Variants in RBMS1 observed in about 807,000 individuals in gnomAD.
The protein encoded by RBMS1 is RNA binding motif single stranded interacting protein 1.
Under a neutral mutation model 62.3 loss-of-function variants are expected in RBMS1, and 17 were observed. The observed-to-expected ratio is 0.27, with a 90% CI of 0.19 to 0.41. RBMS1 has a LOEUF of 0.41. Among genes scored for constraint, RBMS1 ranks in the 10% least tolerant of loss-of-function variants. The pLI, the probability that RBMS1 is intolerant of heterozygous loss-of-function variation, is 1.00. For synonymous variants in RBMS1, 172 were observed against 170.0 expected (o/e 1.01, Z -0.09); for missense variants, 334 against 504.5 (o/e 0.66, Z 3.24).
chr2:160,401,559 C>T (rs1695423612), intron 1 of RBMS1, among the ~76,000 whole-genome samples: 1 of 152,118 alleles, frequency 6.6e-6, no homozygotes, highest in Non-Finnish European at 1.5e-5. Flanking sequence ...TAAAAACAAA[C>T]ACCCACTAAA....
chr2:160,287,333 A>G (rs183389306), intron 6 of RBMS1, among the ~76,000 whole-genome samples: 3 of 152,218 alleles, frequency 2.0e-5, no homozygotes, highest in Non-Finnish European at 4.4e-5. Context: ...CTTTCGATTC[A>G]CTTTCACACT....
intron 9 of RBMS1, chr2:160,283,049 C>T (rs930567141): frequency 2.0e-5 from 3 of 152,130 alleles, no homozygotes; most frequent in Admixed American, 6.5e-5. Flanking sequence ...ATTACTGACA[C>T]AGATCTCCTA....
intron 6 of RBMS1, among the ~76,000 whole-genome samples, chr2:160,289,339 T>A (rs927230360): frequency 2.0e-5 from 3 of 152,218 alleles, no homozygotes; most frequent in Admixed American, 6.5e-5. Flanking sequence ...TTACAACAGT[T>A]TGTATACTGG....
intron 1 of RBMS1, among the ~76,000 whole-genome samples, chr2:160,380,540 C>A (rs941554843): frequency 6.6e-6 from 1 of 152,178 alleles, no homozygotes; most frequent in Non-Finnish European, 1.5e-5. Flanking sequence ...AGAGGATACA[C>A]AAACAGTTTT....
intron 1 of RBMS1, among the ~76,000 whole-genome samples, chr2:160,383,797 T>C (rs1457246599): frequency 6.6e-6 from 1 of 152,240 alleles, no homozygotes; most frequent in East Asian, 1.9e-4. Context: ...AATGAGTTCT[T>C]TAACCATATT....
Position 160,412,766 on chromosome 2 carries a change from A to C in RBMS1, c.76-45375T>G, listed in dbSNP as rs2105256176. Among the ~76,000 whole-genome samples, 2 of 152,358 alleles carry C rather than the reference A, an allele frequency of 1.3e-5. 1 individual carries two copies. Among genetic ancestry groups the C allele is most frequent in the South Asian group, 4.1e-4 (2 of 4,828 alleles). ...AATGTTTTGTTAGAAGGATACTCAGAAAGAAGCATTGTGCAGATGATCAGA... is the reference window on the plus strand; with the variant it reads ...AATGTTTTGTTAGAAGGATACTCAGCAAGAAGCATTGTGCAGATGATCAGA... On this transcript the variant is annotated intron_variant, in intron 1 of 13. Coordinates refer to ENST00000348849, the MANE Select transcript of RBMS1 (RefSeq NM_016836.4).
chr2:160,456,873 T>G (rs942250911), intron 1 of RBMS1, among the ~76,000 whole-genome samples: 1 of 152,126 alleles, frequency 6.6e-6, no homozygotes, highest in Non-Finnish European at 1.5e-5. Flanking sequence ...TCACAAAGTC[T>G]ACTTTGACCT....
chr2:160,487,231 G>A (rs1017959970), intron 1 of RBMS1, among the ~76,000 whole-genome samples: 2 of 152,114 alleles, frequency 1.3e-5, no homozygotes, highest in African/African-American at 2.4e-5. Context: ...CAGATTTATT[G>A]TAGCTTTTAT....
intron 1 of RBMS1, among the ~76,000 whole-genome samples, chr2:160,476,703 C>T (rs11675316): frequency 0.23 from 35,274 of 151,042 alleles, 4,779 homozygotes; most frequent in Admixed American, 0.39. Flanking sequence ...TACAGGCGCC[C>T]GCCACTACGC....
intron 1 of RBMS1, among the ~76,000 whole-genome samples, chr2:160,379,083 G>C (rs986583432): frequency 1.1e-4 from 16 of 152,152 alleles, no homozygotes; most frequent in Non-Finnish European, 2.2e-4. Context: ...GCTGGGCATG[G>C]TGGTGCATGC....
intron 2 of RBMS1, among the ~76,000 whole-genome samples, chr2:160,320,342 C>T (rs913873655): frequency 1.2e-4 from 19 of 152,076 alleles, no homozygotes; most frequent in African/African-American, 4.3e-4. Context: ...CATGGTGGTG[C>T]GGGGCCTATT....
chr2:160,367,430 TAGG>T, intron 1 of RBMS1, 39 bp from the exon 2 acceptor site: 1 of 1,608,768 alleles, frequency 6.2e-7, no homozygotes, highest in Non-Finnish European at 8.5e-7. Flanking sequence ...ATGCTAGCAT[TAGG>T]AGGCTGACAC....
At chr2:160,477,046 T>C (rs13020444) in intron 1 of RBMS1, among the ~76,000 whole-genome samples, 35,435 of 152,214 alleles carry the variant, frequency 0.23, 4,814 homozygotes, top group Admixed American at 0.39. Context: ...TTATACAGCA[T>C]AGTCTAAATG....
At chr2:160,482,356 G>C (rs1685405604) in intron 1 of RBMS1, among the ~76,000 whole-genome samples, 1 of 152,210 alleles carries the variant, frequency 6.6e-6, no homozygotes, top group Non-Finnish European at 1.5e-5. Context: ...CATCACCTGA[G>C]TGGTTATTAC....
intron 6 of RBMS1, among the ~76,000 whole-genome samples, chr2:160,291,573 C>T (rs1438958602): frequency 1.3e-5 from 2 of 152,204 alleles, no homozygotes; most frequent in Non-Finnish European, 2.9e-5. Flanking sequence ...CTAGGAAGAG[C>T]TACAGCTTTT....
At position 160,493,564 on chromosome 2, in the gene RBMS1, TCC is replaced by T; in HGVS notation, c.-203_-202del. On this transcript the variant is annotated 5_prime_UTR_variant, in exon 1 of 14. Coordinates refer to ENST00000348849, the MANE Select transcript of RBMS1 (RefSeq NM_016836.4). ...CTCTTCCTCCTCCTCCTCCTCCTCC[TCC>T]TCCTCTTCCTCCTCCTCCTCCTCCT... 1.7e-6 allele frequency: 1 copy of T among 602,108 alleles called. No individual in the cohort carries two copies. The highest frequency in any genetic ancestry group is 2.9e-6 in the Non-Finnish European group (1 of 343,072). The allele number at this position is 602,108 out of a possible 1,614,324, so 37.3% of individuals were successfully genotyped here.
Position 160,287,098 on chromosome 2 carries a change from G to T in RBMS1, c.641-14C>A. ...GTTCTGTGGGGGCTAAGTAAACAGA[G>T]AAAAATAAAATGAAACCACAATGAT... is the stretch of plus-strand genomic sequence containing the variant. On this transcript the variant is annotated splice_polypyrimidine_tract_variant and intron_variant, in intron 6 of 13. Coordinates refer to ENST00000348849, the MANE Select transcript of RBMS1 (RefSeq NM_016836.4). The T allele has an allele frequency of 6.2e-7, 1 of 1,613,446 alleles. No homozygotes were observed.
chr2:160,491,871 G>A (rs186821207), intron 1 of RBMS1, among the ~76,000 whole-genome samples: 4 of 152,148 alleles, frequency 2.6e-5, no homozygotes, highest in Non-Finnish European at 5.9e-5. Context: ...ATGAATAAGG[G>A]GTATCCTTGC....
intron 1 of RBMS1, among the ~76,000 whole-genome samples, chr2:160,389,076 G>A (rs1694726359): frequency 6.6e-6 from 1 of 152,236 alleles, no homozygotes; most frequent in Non-Finnish European, 1.5e-5. Flanking sequence ...ATTTTAATCA[G>A]AAAGGGTGGA....
Sources: gnomAD v4.1 joint callset for allele counts (sites outside exome capture counted in the v4.1 genomes callset) on GRCh38, gnomAD v4.1.1 for gene constraint, MANE v1.5 for transcripts, NCBI Gene and HGNC (gene_info 2026-07-23, HGNC 2026-07-21) for gene names.